The following TOP3A variants were observed in gnomAD, a reference collection of about 807,000 sequenced individuals.
TOP3A encodes DNA topoisomerase 3-alpha.
In TOP3A, 64 loss-of-function variants were observed where a neutral mutation model predicts 111.3. The ratio of observed to expected loss-of-function variants is 0.57; its 90% CI spans 0.47 to 0.71. TOP3A has a LOEUF of 0.71. Among genes scored for constraint, TOP3A ranks in the 30% least tolerant of loss-of-function variants. The pLI is 0.00. For missense variants in TOP3A, 1,104 were observed against 1,285.0 expected (o/e 0.86, Z 2.15); for synonymous variants, 484 against 485.1 (o/e 1.00, Z 0.03).
intron 5 of TOP3A, among the ~76,000 whole-genome samples, chr17:18,303,936 C>T (rs969576730): frequency 6.6e-6 from 1 of 152,176 alleles, no homozygotes; most frequent in African/African-American, 2.4e-5. Context: ...GGCAGGCCCC[C>T]TCCAATAACT....
chr17:18,291,065 T>C lies in TOP3A; in HGVS notation c.1282-38A>G, dbSNP rs761088708. The stretch of plus-strand genomic sequence containing the variant: ...GAGGAGTACGAAACTCCCCCTAGAA[T>C]ATCACCTCTCAAGGACAGGAGCATC... On this transcript the variant is annotated intron_variant, in intron 11 of 18. Coordinates refer to ENST00000321105, the MANE Select transcript of TOP3A (RefSeq NM_004618.5). 20 of 1,599,110 alleles carry C rather than the reference T, an allele frequency of 1.3e-5. No individual in the cohort carries two copies. In the East Asian group the frequency reaches 2.5e-4, roughly 20 times the overall value.
chr17:18,273,404 G>A lies in TOP3A; in HGVS notation c.*1398C>T, dbSNP rs8072977. On this transcript the variant is annotated 3_prime_UTR_variant, in exon 19 of 19. Transcript: ENST00000321105. Reference sequence around the variant, plus strand: ...ACCTTTCATTAGACATCTCTGCTCTGAGGGACCATCTGTGGGGTGAGAAGA... The same window carrying A: ...ACCTTTCATTAGACATCTCTGCTCTAAGGGACCATCTGTGGGGTGAGAAGA... 3,932 of 152,320 alleles carry A rather than the reference G, an allele frequency of 0.026. 169 individuals are homozygous for A. The highest frequency in any genetic ancestry group is 0.084 in the African/African-American group (3,498 of 41,534). 9.4% of individuals were successfully genotyped at this position (152,320 alleles called of 1,614,324 possible). A position where few individuals can be genotyped will look rare whatever the true frequency, so the allele number is the denominator to read the frequency against.
chr17:18,304,829 A>C (rs1160689087), intron 5 of TOP3A, among the ~76,000 whole-genome samples: 1 of 152,152 alleles, frequency 6.6e-6, no homozygotes, highest in African/African-American at 2.4e-5. Flanking sequence ...ACCTAACAAG[A>C]AATGAGTCCT....
At position 18,294,561 on chromosome 17, in the gene TOP3A, C is replaced by G. The variant is rs1980676060; in HGVS notation, c.1073+142G>C. On this transcript the variant is annotated intron_variant, in intron 10 of 18. Coordinates refer to ENST00000321105, the MANE Select transcript of TOP3A (RefSeq NM_004618.5). ...GCCAGGATGGTCTTGATCTCTTGAC[C>G]TCGTGATCTGCCCGCCTCAGCCACC... The G allele has an allele frequency of 2.1e-5, 13 of 616,480 alleles. No individual in the cohort carries two copies. In the South Asian group the frequency reaches 2.4e-4, roughly 11 times the overall value. 38.2% of individuals were successfully genotyped at this position (616,480 alleles called of 1,614,324 possible). A position where few individuals can be genotyped will look rare whatever the true frequency, so the allele number is the denominator to read the frequency against.
intron 3 of TOP3A, chr17:18,307,258 T>A (rs1018002358): frequency 3.7e-6 from 1 of 271,050 alleles, no homozygotes; most frequent in Non-Finnish European, 7.0e-6. Context: ...TGTTTAAAGA[T>A]TTAATAAAAA....
At chr17:18,275,293 CAAAAAAAAAAAAA>C in intron 18 of TOP3A, among the ~76,000 whole-genome samples, 1 of 60,732 alleles carries the variant, frequency 1.6e-5, no homozygotes, top group East Asian at 5.1e-4. Context: ...GACCCTGTCT[CAAAAAAAAAAAAA>C]AAAAAAAAAA....
Position 18,280,506 on chromosome 17 carries a change from G to A in TOP3A, c.2144+30C>T, listed in dbSNP as rs754727485. ...GGAAAGATGGTGTACACACTCCAGA[G>A]GAGGCACCTGACTCAGGTGCCCAGC... is the stretch of plus-strand genomic sequence containing the variant. On this transcript the variant is annotated intron_variant, in intron 17 of 18. Coordinates refer to ENST00000321105, the MANE Select transcript of TOP3A (RefSeq NM_004618.5). 8.1e-6 allele frequency: 13 copies of A among 1,609,126 alleles called. No individual in the cohort carries two copies. The South Asian group carries it at 1.3e-4, about 16-fold the overall frequency.
At chr17:18,305,036 T>A in intron 5 of TOP3A, 76 bp downstream of exon 5, 1 of 1,241,064 alleles carries the variant, frequency 8.1e-7, no homozygotes, top group Non-Finnish European at 1.2e-6. Context: ...CCGTGGCCCA[T>A]GTGCACATAT....
At position 18,285,431 on chromosome 17, in the gene TOP3A, G is replaced by C. The variant is rs1980030357; in HGVS notation, c.1687C>G (p.His563Asp). 2 of 1,613,924 alleles carry C rather than the reference G, an allele frequency of 1.2e-6. No individual in the cohort carries two copies. Among genetic ancestry groups the C allele is most frequent in the African/African-American group, 2.7e-5 (2 of 74,864 alleles). The change falls in exon 14 of 19, where the codon CAC (histidine) becomes GAC (aspartate). Residue 563 changes from histidine to aspartate, a missense_variant. Transcript: ENST00000321105. Reference sequence around the variant, plus strand: ...CCTTCCACAAGTCCCATGCCCAGGTGCCCAGGGAGGAACCGCTTGTCTGGG... The same window carrying C: ...CCTTCCACAAGTCCCATGCCCAGGTCCCCAGGGAGGAACCGCTTGTCTGGG... ...LTPDKRFLPG[H>D]LGMGLVEGYD...
intron 9 of TOP3A, among the ~76,000 whole-genome samples, chr17:18,298,703 G>A (rs921908562): frequency 6.6e-6 from 1 of 151,938 alleles, no homozygotes; most frequent in African/African-American, 2.4e-5. Context: ...ATTTTGTTCT[G>A]TACTAAGAAA....
In TOP3A at chr17:18,278,224, T is replaced by G. The variant is rs775211057; in HGVS notation, c.2278A>C (p.Ser760Arg). The change falls in exon 18 of 19, where the codon AGC (serine) becomes CGC (arginine). Residue 760 changes from serine to arginine, a missense_variant. Ser to Arg is a moderately radical substitution (Grantham distance 110). Coordinates refer to ENST00000321105, the MANE Select transcript of TOP3A (RefSeq NM_004618.5). ...GCCTGCAGGCGGCCAGAGGGCTGGCTAGCCCTGGGGGGGCCCCCTGAAAAT... is the reference window on the plus strand; with the variant it reads ...GCCTGCAGGCGGCCAGAGGGCTGGCGAGCCCTGGGGGGGCCCCCTGAAAAT... ...LRFSGGPPRA[S>R]QPSGRLQANQ... 1.3e-5 allele frequency: 20 copies of G among 1,595,960 alleles called. No individual in the cohort carries two copies. The African/African-American group carries it at 2.5e-4, about 20-fold the overall frequency.
At chr17:18,287,339 G>C (rs1448759171) in intron 13 of TOP3A, among the ~76,000 whole-genome samples, 2 of 152,000 alleles carry the variant, frequency 1.3e-5, no homozygotes, top group Non-Finnish European at 2.9e-5. Context: ...TTCGAGACCA[G>C]CTTAGCTAAC....
intron 15 of TOP3A, among the ~76,000 whole-genome samples, chr17:18,284,428 C>G (rs1284874216): frequency 6.6e-6 from 1 of 152,116 alleles, no homozygotes; most frequent in East Asian, 1.9e-4. Flanking sequence ...GGGTGGGACT[C>G]AAAGTCCCAA....
Position 18,302,566 on chromosome 17 carries a change from G to A in TOP3A, c.643+14C>T. On this transcript the variant is annotated intron_variant, in intron 6 of 18. Transcript: ENST00000321105. ...ATTAATGTGGCCATGGGAGAGGTCT[G>A]CCTAGCTCCTCACCAATCCTCAGGT... The A allele has an allele frequency of 6.2e-7, 1 of 1,613,278 alleles. No homozygotes were observed. Among genetic ancestry groups the A allele is most frequent in the Non-Finnish European group, 8.5e-7 (1 of 1,179,352 alleles).
At chr17:18,299,479 CCA>C (rs1193567902) in intron 9 of TOP3A, 78 bp downstream of exon 9, 1 of 1,309,684 alleles carries the variant, frequency 7.6e-7, no homozygotes, top group Non-Finnish European at 1.1e-6. Flanking sequence ...TTCCACCAAG[CCA>C]CAGTCTAGGC....
intron 1 of TOP3A, among the ~76,000 whole-genome samples, chr17:18,310,722 C>G (rs142999346): frequency 6.3e-4 from 96 of 152,226 alleles, no homozygotes; most frequent in Admixed American, 1.6e-3. Context: ...ATTTAGTGGA[C>G]AAAATTCCAC....
intron 10 of TOP3A, among the ~76,000 whole-genome samples, chr17:18,293,238 T>C (rs1251352348): frequency 6.6e-6 from 1 of 152,198 alleles, no homozygotes; most frequent in East Asian, 1.9e-4. Context: ...TTTCTTAGAG[T>C]ACACAAAGAA....
intron 9 of TOP3A, among the ~76,000 whole-genome samples, chr17:18,298,352 C>T (rs1251285662): frequency 1.3e-5 from 2 of 148,872 alleles, no homozygotes; most frequent in Admixed American, 6.6e-5. Context: ...GCCCCCCGCC[C>T]GGCCAGCCGC....
chr17:18,296,451 G>A (rs1364081816), intron 9 of TOP3A, among the ~76,000 whole-genome samples: 3 of 151,964 alleles, frequency 2.0e-5, no homozygotes, highest in South Asian at 2.1e-4. Flanking sequence ...GTGGTGGCGC[G>A]CACCTATAGT....
Sources: gnomAD v4.1 joint callset for allele counts (sites outside exome capture counted in the v4.1 genomes callset) on GRCh38, gnomAD v4.1.1 for gene constraint, MANE v1.5 for transcripts, NCBI Gene and HGNC (gene_info 2026-07-23, HGNC 2026-07-21) for gene names.